AP3B1: variants seen among roughly 807,000 people sequenced by gnomAD.
AP3B1 encodes AP-3 complex subunit beta-1.
Under a neutral mutation model 132.5 loss-of-function variants are expected in AP3B1, and 61 were observed. That is an observed-to-expected ratio of 0.46 (90% CI 0.37 to 0.57). The LOEUF (loss-of-function observed/expected upper bound fraction) is 0.57. Ranked by LOEUF, AP3B1 falls within the 20% of genes least tolerant of loss-of-function variation. The pLI, the probability that AP3B1 is intolerant of heterozygous loss-of-function variation, is 0.00. For synonymous variants in AP3B1, 388 were observed against 438.3 expected (o/e 0.89, Z 1.43); for missense variants, 1,120 against 1,289.4 (o/e 0.87, Z 2.01).
intron 22 of AP3B1, among the ~76,000 whole-genome samples, chr5:78,051,372 T>C (rs534157617): frequency 1.4e-4 from 22 of 152,308 alleles, no homozygotes; most frequent in African/African-American, 4.8e-4. Context: ...GTTAGATTTA[T>C]AGGATACAAA....
chr5:78,039,290 A>T lies in AP3B1; in HGVS notation c.2578-16T>A. The T allele has an allele frequency of 6.4e-7, 1 of 1,560,128 alleles. No individual in the cohort carries two copies. The highest frequency in any genetic ancestry group is 8.8e-7 in the Non-Finnish European group (1 of 1,130,796). ...GAGTACTGACCTATTACACACGGCAAAAAGAAAAAAAGATGAGTTAGTGAA... is the reference window on the plus strand; with the variant it reads ...GAGTACTGACCTATTACACACGGCATAAAGAAAAAAAGATGAGTTAGTGAA... On this transcript the variant is annotated splice_polypyrimidine_tract_variant and intron_variant, in intron 22 of 26. Coordinates refer to ENST00000255194, the MANE Select transcript of AP3B1 (RefSeq NM_003664.5).
intron 17 of AP3B1, among the ~76,000 whole-genome samples, chr5:78,123,444 C>CTT (rs1260959226): frequency 6.6e-6 from 1 of 152,078 alleles, no homozygotes; most frequent in African/African-American, 2.4e-5. Flanking sequence ...TTGCAACCTA[C>CTT]TCATCTGACA....
intron 6 of AP3B1, among the ~76,000 whole-genome samples, chr5:78,218,809 T>A (rs1367758487): frequency 6.6e-6 from 1 of 152,106 alleles, no homozygotes; most frequent in Non-Finnish European, 1.5e-5. Context: ...AGTTGGCCAA[T>A]GCTGCCAAGA....
At chr5:78,038,981 T>A (rs1747930155) in intron 23 of AP3B1, 62 bp downstream of exon 23, 1 of 1,037,292 alleles carries the variant, frequency 9.6e-7, no homozygotes, top group African/African-American at 1.6e-5. Context: ...TACTTTACTT[T>A]TAAAATGAAC....
At chr5:78,243,094 T>C (rs567602035) in intron 2 of AP3B1, among the ~76,000 whole-genome samples, 58 of 152,368 alleles carry the variant, frequency 3.8e-4, no homozygotes, top group African/African-American at 1.3e-3. Flanking sequence ...CTAGTCTTTT[T>C]ATATTCTATT....
chr5:78,028,514 T>C (rs1747437274), intron 24 of AP3B1, among the ~76,000 whole-genome samples: 2 of 152,240 alleles, frequency 1.3e-5, no homozygotes, highest in Non-Finnish European at 2.9e-5. Flanking sequence ...TGGCGTTTAC[T>C]TGCCTTTCTG....
intron 1 of AP3B1, among the ~76,000 whole-genome samples, chr5:78,272,485 G>A (rs545016983): frequency 1.3e-5 from 2 of 152,100 alleles, no homozygotes; most frequent in Admixed American, 1.3e-4. Flanking sequence ...AGATTCTGAA[G>A]CTCTATTCTC....
chr5:78,020,801 C>T lies in AP3B1; in HGVS notation c.2895-12G>A. 1 of 1,588,338 alleles carries T rather than the reference C, an allele frequency of 6.3e-7. No individual in the cohort carries two copies. Among genetic ancestry groups the T allele is most frequent in the Non-Finnish European group, 8.6e-7 (1 of 1,158,458 alleles). On this transcript the variant is annotated splice_polypyrimidine_tract_variant and intron_variant, in intron 24 of 26. Transcript: ENST00000255194. ...AATCATCCTTGGTACTGAAGAAAAA[C>T]AATCAAAGCTGACTAAATGCTTCAT...
At chr5:78,241,394 T>C (rs1418332525) in intron 2 of AP3B1, among the ~76,000 whole-genome samples, 1 of 152,296 alleles carries the variant, frequency 6.6e-6, no homozygotes, top group Admixed American at 6.5e-5. Context: ...GGTACCACTA[T>C]GTTGCCCAGG....
intron 1 of AP3B1, among the ~76,000 whole-genome samples, chr5:78,278,625 A>AGGG (rs771858500): frequency 1.1e-4 from 6 of 52,246 alleles, no homozygotes; most frequent in African/African-American, 3.7e-4. Flanking sequence ...AAAAAAAAAA[A>AGGG]GGGGGGGGGG....
At chr5:78,061,736 T>G (rs1290732394) in intron 22 of AP3B1, among the ~76,000 whole-genome samples, 4 of 152,240 alleles carry the variant, frequency 2.6e-5, no homozygotes, top group African/African-American at 9.6e-5. Flanking sequence ...CGACATTTTA[T>G]GAAGAGCCCC....
chr5:78,171,918 T>C (rs1480601425), intron 11 of AP3B1, among the ~76,000 whole-genome samples: 2 of 152,200 alleles, frequency 1.3e-5, no homozygotes, highest in African/African-American at 4.8e-5. Flanking sequence ...ATTCCATCAA[T>C]ACCTAGTTTA....
intron 15 of AP3B1, among the ~76,000 whole-genome samples, chr5:78,137,331 A>G (rs1471770913): frequency 2.0e-5 from 3 of 152,150 alleles, no homozygotes; most frequent in African/African-American, 4.8e-5. Flanking sequence ...TCCACCCTGC[A>G]TAAGTATGGT....
At chr5:78,280,961 G>A (rs563977308) in intron 1 of AP3B1, among the ~76,000 whole-genome samples, 15 of 150,780 alleles carry the variant, frequency 9.9e-5, no homozygotes, top group African/African-American at 3.4e-4. Flanking sequence ...TAAATTTAAT[G>A]TTATGTGTTT....
chr5:78,018,697 CA>C (rs1746963425), intron 25 of AP3B1, among the ~76,000 whole-genome samples: 2 of 151,848 alleles, frequency 1.3e-5, no homozygotes, highest in African/African-American at 4.8e-5. Context: ...CACACACACA[CA>C]CACCCCTTAA....
intron 1 of AP3B1, among the ~76,000 whole-genome samples, chr5:78,292,934 T>C (rs976424187): frequency 1.3e-5 from 2 of 152,086 alleles, no homozygotes; most frequent in Non-Finnish European, 2.9e-5. Context: ...GTTTGAGTGC[T>C]GTGGCGCGAT....
intron 19 of AP3B1, among the ~76,000 whole-genome samples, chr5:78,112,057 T>C (rs528030743): frequency 2.2e-4 from 33 of 152,234 alleles, no homozygotes; most frequent in Admixed American, 1.2e-3. Flanking sequence ...TTATGATTAC[T>C]AAAGGGTGGT....
chr5:78,263,026 T>C (rs1196976029), intron 2 of AP3B1, among the ~76,000 whole-genome samples: 2 of 151,812 alleles, frequency 1.3e-5, no homozygotes, highest in Non-Finnish European at 2.9e-5. Flanking sequence ...GGATTCTATA[T>C]AAATTTTAGG....
intron 8 of AP3B1, among the ~76,000 whole-genome samples, chr5:78,177,692 T>C (rs1744205933): frequency 1.3e-5 from 2 of 152,004 alleles, no homozygotes; most frequent in Non-Finnish European, 2.9e-5. Flanking sequence ...ATCATGCTGG[T>C]TAAGAGCCCT....
Sources: gnomAD v4.1 joint callset for allele counts (sites outside exome capture counted in the v4.1 genomes callset) on GRCh38, gnomAD v4.1.1 for gene constraint, MANE v1.5 for transcripts, NCBI Gene and HGNC (gene_info 2026-07-23, HGNC 2026-07-21) for gene names.